LTA: variants seen among roughly 807,000 people sequenced by gnomAD.
LTA encodes the protein lymphotoxin-alpha.
A neutral mutation model predicts 15.1 loss-of-function variants in LTA; 6 were observed. The observed-to-expected ratio is 0.40, with a 90% CI of 0.22 to 0.78. The LOEUF (loss-of-function observed/expected upper bound fraction) is 0.78, where lower values mean the gene tolerates loss of function less well. LTA is among the 30% of genes least tolerant of loss of function. The pLI is 0.38. For missense variants in LTA, 173 were observed against 249.5 expected (o/e 0.69, Z 2.06); for synonymous variants, 87 against 107.3 (o/e 0.81, Z 1.17).
Position 31,573,318 on chromosome 6 carries a change from A to C in LTA, c.243A>C (p.Ala81=). 1 of 1,613,734 alleles carries C rather than the reference A, an allele frequency of 6.2e-7. No homozygotes were observed. The highest frequency in any genetic ancestry group is 1.1e-5 in the South Asian group (1 of 91,068). Residue 81 remains alanine (A), a synonymous_variant, in exon 4 of 4, where the codon GCA becomes GCC. Transcript: ENST00000418386. ...AGCAGAACTCACTGCTCTGGAGAGC[A>C]AACACGGACCGTGCCTTCCTCCAGG... ...PSKQNSLLWR[A]NTDRAFLQDG... is the part of the protein sequence containing the mutation.
In LTA at chr6:31,574,057, T is replaced by C. The variant is rs1771016996; in HGVS notation, c.*364T>C. On this transcript the variant is annotated 3_prime_UTR_variant, in exon 4 of 4. Transcript: ENST00000418386. Reference sequence around the variant, plus strand: ...CTAGAGGCAGGGAGGGGACTATTTATGAAGGCAAAAAAATTAAATTATTTA... The same window carrying C: ...CTAGAGGCAGGGAGGGGACTATTTACGAAGGCAAAAAAATTAAATTATTTA... The C allele has an allele frequency of 2.3e-6, 1 of 439,750 alleles. No individual in the cohort carries two copies. Among genetic ancestry groups the C allele is most frequent in the African/African-American group, 2.0e-5 (1 of 49,670 alleles). 27.2% of individuals were successfully genotyped at this position (439,750 alleles called of 1,614,324 possible).
chr6:31,563,471 A>T, the LTA span, among the ~76,000 whole-genome samples: 1 of 152,260 alleles, frequency 6.6e-6, no homozygotes, highest in Middle Eastern at 3.4e-3. Context: ...GAATGAGTAA[A>T]AGTTGTGTCC....
the LTA span, among the ~76,000 whole-genome samples, chr6:31,562,710 C>A: frequency 1.3e-5 from 2 of 151,920 alleles, no homozygotes; most frequent in South Asian, 4.2e-4. Context: ...ACGAAAGATA[C>A]AAAAATTAGC....
At chr6:31,572,871 G>A in intron 2 of LTA, 30 bp downstream of exon 2, 1 of 1,610,558 alleles carries the variant, frequency 6.2e-7, no homozygotes, top group South Asian at 1.1e-5. Context: ...GGGGCTGCTG[G>A]GGTGGCTCAG....
chr6:31,573,548 G>A lies in LTA; in HGVS notation c.473G>A (p.Gly158Glu). The A allele has an allele frequency of 2.5e-6, 4 of 1,614,004 alleles. No individual in the cohort carries two copies. The highest frequency in any genetic ancestry group is 1.3e-5 in the African/African-American group (1 of 74,960). ...AGCTCCCAGAAGATGGTGTATCCAG[G>A]GCTGCAGGAACCCTGGCTGCACTCG... The part of the protein sequence containing the change: ...LLSSQKMVYP[G>E]LQEPWLHSMY... The change falls in exon 4 of 4, where the codon GGG becomes GAG. Residue 158 changes from glycine (G) to glutamate (E), a missense_variant. By Grantham distance (98) the Gly-to-Glu change is moderately conservative. Transcript: ENST00000418386.
At chr6:31,568,613 T>C (rs1770690435), upstream of LTA, among the ~76,000 whole-genome samples, 1 of 152,176 alleles carries the variant, frequency 6.6e-6, no homozygotes, top group Admixed American at 6.5e-5. This position sits in a 1 kb window ranked among gnomAD's most constrained non-coding sequence, Gnocchi z 4.1. Context: ...GAGATTTCAC[T>C]AGTTTCTCCA....
chr6:31,573,915 A>G lies in LTA; in HGVS notation c.*222A>G, dbSNP rs1041836023. The G allele has an allele frequency of 1.4e-6, 1 of 709,176 alleles. No homozygotes were observed. Among genetic ancestry groups the G allele is most frequent in the African/African-American group, 1.7e-5 (1 of 57,248 alleles). 43.9% of individuals were successfully genotyped at this position (709,176 alleles called of 1,614,324 possible). On this transcript the variant is annotated 3_prime_UTR_variant, in exon 4 of 4. Transcript: ENST00000418386. ...ATCCCTGATGTCTGTCTGGCTGAGG[A>G]TTTCAAGCCTGCCTAGGAATTCCCA...
chr6:31,561,076 C>T, the LTA span, among the ~76,000 whole-genome samples: 2 of 152,014 alleles, frequency 1.3e-5, no homozygotes, highest in African/African-American at 2.4e-5. Context: ...GTTCCATAGG[C>T]GAATAACACG....
At chr6:31,561,403 G>A in the LTA span, among the ~76,000 whole-genome samples, 49 of 152,272 alleles carry the variant, frequency 3.2e-4, no homozygotes, top group African/African-American at 1.2e-3. Context: ...GGGTGGTGGT[G>A]GCCAGGCACC....
intron 3 of LTA, 110 bp downstream of exon 3, chr6:31,573,143 A>AG: frequency 8.2e-7 from 1 of 1,226,736 alleles, no homozygotes; most frequent in East Asian, 2.5e-5. Flanking sequence ...ACGCTAAAAA[A>AG]AACAGAGGGA....
the LTA span, among the ~76,000 whole-genome samples, chr6:31,562,895 T>C: frequency 7.1e-6 from 1 of 140,208 alleles, no homozygotes; most frequent in Non-Finnish European, 1.5e-5. Flanking sequence ...GTGCGGTGGC[T>C]CACCCTTGTA....
chr6:31,570,084 G>C (rs1018842787), upstream of LTA, among the ~76,000 whole-genome samples: 1 of 152,148 alleles, frequency 6.6e-6, no homozygotes, highest in African/African-American at 2.4e-5. Context: ...ATTTCTGAAG[G>C]CTCCCATGTC....
At chr6:31,566,055 G>C in the LTA span, among the ~76,000 whole-genome samples, 1 of 151,836 alleles carries the variant, frequency 6.6e-6, no homozygotes, top group African/African-American at 2.4e-5. Flanking sequence ...GCGCATGCCT[G>C]TAATCCCAGC....
At chr6:31,572,639 G>A in intron 1 of LTA, 95 bp from the exon 2 acceptor site, 1 of 820,282 alleles carries the variant, frequency 1.2e-6, no homozygotes, top group Non-Finnish European at 2.0e-6. Context: ...TCTCTCGGGG[G>A]TCGGGGGGTG....
chr6:31,561,028 C>G, the LTA span, among the ~76,000 whole-genome samples: 93 of 152,264 alleles, frequency 6.1e-4, no homozygotes, highest in Non-Finnish European at 7.9e-4. Context: ...TGAACTTGCT[C>G]TAATGAATGG....
At chr6:31,571,505 G>T (rs1282617040), upstream of LTA, among the ~76,000 whole-genome samples, 1 of 152,158 alleles carries the variant, frequency 6.6e-6, no homozygotes, top group African/African-American at 2.4e-5. Context: ...ACTTTGGAAG[G>T]TGTCTGCCAC....
upstream of LTA, among the ~76,000 whole-genome samples, chr6:31,569,826 G>GA (rs1770743746): frequency 6.6e-6 from 1 of 151,542 alleles, no homozygotes; most frequent in African/African-American, 2.4e-5. Context: ...GAAATTTTCT[G>GA]ACCTATCTCA....
At chr6:31,568,923 A>C (rs1328918419), upstream of LTA, among the ~76,000 whole-genome samples, 1 of 150,656 alleles carries the variant, frequency 6.6e-6, no homozygotes, top group Non-Finnish European at 1.5e-5. The surrounding 1 kb of genome is among the most constrained non-coding windows in gnomAD (Gnocchi z 4.1). Flanking sequence ...TCAATGTCCC[A>C]TTCTTCCTCT....
intron 2 of LTA, 27 bp from the exon 3 acceptor site, chr6:31,572,901 G>T (rs1562475431): frequency 6.2e-7 from 1 of 1,610,832 alleles, no homozygotes. Context: ...GAGCCCTAGA[G>T]CCCCCCTCAA....
Sources: allele counts gnomAD v4.1 joint callset (sites outside exome capture counted in the v4.1 genomes callset), GRCh38; gene constraint gnomAD v4.1.1; non-coding constraint Gnocchi (gnomAD v3.1); transcripts MANE v1.5; gene names NCBI Gene and HGNC (gene_info 2026-07-23, HGNC 2026-07-21).